SCN3A: variants seen among roughly 807,000 people sequenced by gnomAD.
SCN3A encodes the protein sodium voltage-gated channel alpha subunit 3, also known as sodium channel protein type 3 subunit alpha.
A neutral mutation model predicts 187.6 loss-of-function variants in SCN3A; 60 were observed. The observed-to-expected ratio is 0.32, with a 90% CI of 0.26 to 0.40. The LOEUF (loss-of-function observed/expected upper bound fraction) is 0.40. SCN3A is among the 10% of genes least tolerant of loss of function. The pLI, the probability that SCN3A is intolerant of heterozygous loss-of-function variation, is 1.00. For missense variants in SCN3A, 1,601 were observed against 2,428.2 expected, an observed-to-expected ratio of 0.66 and a Z score of 7.16; for synonymous variants, 788 against 829.2, an observed-to-expected ratio of 0.95 and a Z score of 0.85.
At chr2:165,201,247 A>G (rs1312227881) in intron 1 of SCN3A, among the ~76,000 whole-genome samples, 2 of 152,068 alleles carry the variant, frequency 1.3e-5, no homozygotes, top group Non-Finnish European at 2.9e-5. Flanking sequence ...AATTGCCTGG[A>G]ATGTTAACAC....
intron 8 of SCN3A, 39 bp from the exon 9 acceptor site, chr2:165,162,410 A>G (rs909235257): frequency 8.7e-6 from 14 of 1,604,568 alleles, no homozygotes; most frequent in Non-Finnish European, 1.2e-5. Context: ...TTTCATATTA[A>G]TCCTATTCAC....
chr2:165,156,096 A>G (rs1689008476), intron 9 of SCN3A, among the ~76,000 whole-genome samples, 193 bp from the exon 10 acceptor site: 1 of 152,120 alleles, frequency 6.6e-6, no homozygotes, highest in Non-Finnish European at 1.5e-5. Flanking sequence ...ACCGATAGAA[A>G]ATTTAGATGC....
chr2:165,168,780 T>A lies in SCN3A; in HGVS notation c.429A>T (p.Val143=), dbSNP rs149212247. The A allele has an allele frequency of 1.7e-4, 273 of 1,612,540 alleles. No individual in the cohort carries two copies. The highest frequency in any genetic ancestry group is 2.1e-4 in the Non-Finnish European group (249 of 1,178,900). ...LIMCTILTNC[V]FMTLSNPPDW... is the part of the protein sequence containing the mutation. ...CAGGAGGGTTGCTCAAGGTCATAAA[T>A]ACACAGTTGGTCAAAATAGTGCACA... Residue 143 remains valine (V), a synonymous_variant, in exon 5 of 28, where the codon GTA becomes GTT. Coordinates refer to ENST00000283254, the MANE Select transcript of SCN3A (RefSeq NM_006922.4).
At position 165,146,943 on chromosome 2, in the gene SCN3A, T is replaced by C. The variant is rs770916929; in HGVS notation, c.1467A>G (p.Ser489=). The C allele has an allele frequency of 1.2e-6, 2 of 1,614,094 alleles. No individual in the cohort carries two copies. The highest frequency in any genetic ancestry group is 2.2e-5 in the East Asian group (1 of 44,868). The change falls in exon 12 of 28, where the codon TCA becomes TCG. Residue 489 remains serine (S), a synonymous_variant. Coordinates refer to ENST00000283254, the MANE Select transcript of SCN3A (RefSeq NM_006922.4). ...GELLESSSEA[S]KLSSKSAKEW... Reference sequence around the variant, plus strand: ...CTTTAGCACTTTTGGAACTCAACTTTGATGCTTCTGAAGAACTTTCCAACA... The same window carrying C: ...CTTTAGCACTTTTGGAACTCAACTTCGATGCTTCTGAAGAACTTTCCAACA...
At position 165,097,364 on chromosome 2, in the gene SCN3A, C is replaced by T; in HGVS notation, c.4127G>A (p.Ser1376Asn). The change falls in exon 23 of 28, where the codon AGT becomes AAT. Residue 1376 changes from serine (S) to asparagine (N), a missense_variant. Physicochemically the swap from Ser to Asn is conservative, Grantham distance 46. Around this residue, in one of 11 missense-constraint regions of SCN3A, gnomAD observed 320 missense variants for 623.2 expected, o/e 0.51. Transcript: ENST00000283254. ...NMTTGNMFDI[S>N]DVNNLSDCQA... is the part of the protein sequence containing the mutation. ...ACAGTCACTCAAATTGTTAACATCACTAATGTCAAACATGTTACCCGTTGT... is the reference window on the plus strand; with the variant it reads ...ACAGTCACTCAAATTGTTAACATCATTAATGTCAAACATGTTACCCGTTGT... The T allele has an allele frequency of 6.2e-7, 1 of 1,614,034 alleles. No homozygotes were observed. Among genetic ancestry groups the T allele is most frequent in the Non-Finnish European group, 8.5e-7 (1 of 1,179,974 alleles).
rs1366603128 is a variant in SCN3A at position 165,087,939 on chromosome 2, T to C, written c.*2211A>G. 2 of 152,150 alleles carry C rather than the reference T, an allele frequency of 1.3e-5. No individual in the cohort carries two copies. Among genetic ancestry groups the C allele is most frequent in the African/African-American group, 4.8e-5 (2 of 41,450 alleles). 9.4% of individuals were successfully genotyped at this position (152,150 alleles called of 1,614,324 possible). On this transcript the variant is annotated 3_prime_UTR_variant, in exon 28 of 28. Coordinates refer to ENST00000283254, the MANE Select transcript of SCN3A (RefSeq NM_006922.4). ...ATGTGAACTTGATCCTTTGCACACA[T>C]AAAAGTTCACAAAGCTGCTTTTAAT...
chr2:165,180,387 T>C (rs185287066), intron 2 of SCN3A, among the ~76,000 whole-genome samples: 65 of 152,274 alleles, frequency 4.3e-4, no homozygotes, highest in African/African-American at 1.6e-3. Context: ...TTGTCTGAAG[T>C]TCATAAAAAG....
At chr2:165,130,457 T>G (rs1687245836) in intron 16 of SCN3A, 161 bp from the exon 17 acceptor site, 1 of 708,616 alleles carries the variant, frequency 1.4e-6, no homozygotes, top group Non-Finnish European at 2.4e-6. Flanking sequence ...GTGTTAACAA[T>G]ATTAGAATTG....
Position 165,140,586 on chromosome 2 carries a change from G to A in SCN3A, c.2019+65C>T. On this transcript the variant is annotated intron_variant, in intron 13 of 27. Transcript: ENST00000283254. This position sits in a 1 kb window ranked among gnomAD's most constrained non-coding sequence, Gnocchi z 4.2. The stretch of plus-strand genomic sequence containing the variant: ...GCAGGACGGTATGACAGCCTAAACT[G>A]TCCAGGCTTTGATTATTTCAAATTG... 1 of 1,437,436 alleles carries A rather than the reference G, an allele frequency of 7.0e-7. No homozygotes were observed. The allele number at this position is 1,437,436 out of a possible 1,614,324, so 89.0% of individuals were successfully genotyped here. A position where few individuals can be genotyped will look rare whatever the true frequency, so the allele number is the denominator to read the frequency against.
chr2:165,201,963 A>G (rs964831702), intron 1 of SCN3A, among the ~76,000 whole-genome samples: 9 of 152,066 alleles, frequency 5.9e-5, no homozygotes, highest in Admixed American at 5.2e-4. Context: ...CTTCAGTGAT[A>G]CTTGGGGTCT....
At chr2:165,098,780 G>A (rs1685474158) in intron 22 of SCN3A, among the ~76,000 whole-genome samples, 1 of 152,116 alleles carries the variant, frequency 6.6e-6, no homozygotes, top group South Asian at 2.1e-4. Context: ...TATTAATTGT[G>A]CTATATGACT....
chr2:165,193,869 C>T (rs1691766999), intron 1 of SCN3A, among the ~76,000 whole-genome samples: 2 of 152,082 alleles, frequency 1.3e-5, no homozygotes, highest in African/African-American at 4.8e-5. Flanking sequence ...CAGATGGGTG[C>T]AAATGGTAAA....
chr2:165,185,470 G>C (rs1020156646), intron 2 of SCN3A, among the ~76,000 whole-genome samples: 2 of 152,208 alleles, frequency 1.3e-5, no homozygotes, highest in African/African-American at 2.4e-5. Flanking sequence ...TCCCAAGAAA[G>C]AGAACAAAGA....
At chr2:165,139,001 G>A (rs1036691561) in intron 14 of SCN3A, among the ~76,000 whole-genome samples, 6 of 152,224 alleles carry the variant, frequency 3.9e-5, no homozygotes, top group African/African-American at 9.6e-5. Context: ...TGCTGTGTAT[G>A]TAGAAGATGG....
chr2:165,147,054 T>A, intron 11 of SCN3A, 25 bp from the exon 12 acceptor site: 2 of 1,613,544 alleles, frequency 1.2e-6, no homozygotes, highest in Non-Finnish European at 8.5e-7. Context: ...AGCCAGGCAC[T>A]ATTTAGAACA....
chr2:165,199,793 T>A (rs1371596274), intron 1 of SCN3A, among the ~76,000 whole-genome samples: 1 of 152,008 alleles, frequency 6.6e-6, no homozygotes, highest in Non-Finnish European at 1.5e-5. Context: ...AGATTTTATT[T>A]ATTGCTGTAT....
Position 165,113,802 on chromosome 2 carries a change from T to A in SCN3A, c.3669+14A>T, listed in dbSNP as rs1457342795. The A allele has an allele frequency of 1.2e-6, 2 of 1,612,976 alleles. No homozygotes were observed. The highest frequency in any genetic ancestry group is 2.2e-5 in the South Asian group (2 of 91,062). On this transcript the variant is annotated intron_variant, in intron 20 of 27. Transcript: ENST00000283254. The stretch of plus-strand genomic sequence containing the variant: ...CACCAGAATCTGATTCTTGCCAATA[T>A]GCATTTCACTTACCAATGCACCACT...
At chr2:165,112,765 T>C in intron 21 of SCN3A, 120 bp downstream of exon 21, 1 of 877,852 alleles carries the variant, frequency 1.1e-6, no homozygotes, top group Non-Finnish European at 1.8e-6. Flanking sequence ...TGTTACAGTT[T>C]TGTTTAAATA....
chr2:165,194,592 C>A (rs1223443590), intron 1 of SCN3A, among the ~76,000 whole-genome samples: 2 of 152,004 alleles, frequency 1.3e-5, no homozygotes, highest in African/African-American at 4.8e-5. Flanking sequence ...TAGAATATAA[C>A]TTGAAGATCA....
Sources: allele counts gnomAD v4.1 joint callset (sites outside exome capture counted in the v4.1 genomes callset), GRCh38; gene constraint gnomAD v4.1.1; regional missense constraint gnomAD v4.1.1; non-coding constraint Gnocchi (gnomAD v3.1); transcripts MANE v1.5; gene names NCBI Gene and HGNC (gene_info 2026-07-23, HGNC 2026-07-21).